The following CSMD1 variants were observed in gnomAD, a reference collection of about 807,000 sequenced individuals.
CSMD1 encodes CUB and sushi domain-containing protein 1.
A neutral mutation model predicts 417.5 loss-of-function variants in CSMD1; 213 were observed. The ratio of observed to expected loss-of-function variants is 0.51; its 90% CI spans 0.46 to 0.57. The LOEUF is 0.57. Ranked by LOEUF, CSMD1 falls within the 20% of genes least tolerant of loss-of-function variation. The pLI, the probability that CSMD1 is intolerant of heterozygous loss-of-function variation, is 0.00. For synonymous variants in CSMD1, 2,862 were observed against 1,736.8 expected (o/e 1.65, Z -16.11); for missense variants, 6,923 against 4,529.7 (o/e 1.53, Z -15.17).
intron 10 of CSMD1, among the ~76,000 whole-genome samples, chr8:3,502,007 C>T (rs533877369): frequency 6.6e-6 from 1 of 152,184 alleles, no homozygotes; most frequent in African/African-American, 2.4e-5. Flanking sequence ...TTGGAAGATA[C>T]TTTGGAAGCT....
At chr8:2,956,765 A>G (rs529266464) in intron 63 of CSMD1, among the ~76,000 whole-genome samples, 7 of 152,262 alleles carry the variant, frequency 4.6e-5, no homozygotes, top group African/African-American at 1.4e-4. Flanking sequence ...CAAGTTTACA[A>G]TTCTAAAATT....
intron 3 of CSMD1, among the ~76,000 whole-genome samples, chr8:4,288,247 T>G (rs1024565001): frequency 2.0e-5 from 3 of 152,178 alleles, no homozygotes; most frequent in Non-Finnish European, 4.4e-5. Context: ...GGTGCCTTCA[T>G]GAGTTTCTGA....
At chr8:4,977,152 T>C (rs1284547992) in intron 1 of CSMD1, among the ~76,000 whole-genome samples, 1 of 152,226 alleles carries the variant, frequency 6.6e-6, no homozygotes, top group Non-Finnish European at 1.5e-5. Context: ...GTAATGATCA[T>C]TTGTTTTGAA....
intron 7 of CSMD1, among the ~76,000 whole-genome samples, chr8:3,627,745 T>C (rs1180043342): frequency 6.6e-6 from 1 of 152,202 alleles, no homozygotes; most frequent in Non-Finnish European, 1.5e-5. Context: ...AGGGAATTAT[T>C]ACTTTGCTGA....
intron 8 of CSMD1, among the ~76,000 whole-genome samples, chr8:3,610,288 T>G (rs1004025523): frequency 2.0e-5 from 3 of 152,134 alleles, no homozygotes; most frequent in African/African-American, 7.2e-5. Context: ...ATTCCAGCAA[T>G]TTTGAATGTC....
chr8:3,529,706 C>T (rs1002289281), intron 10 of CSMD1, among the ~76,000 whole-genome samples: 2 of 152,148 alleles, frequency 1.3e-5, no homozygotes, highest in Non-Finnish European at 2.9e-5. Flanking sequence ...ACAAATACAT[C>T]TTGGGAGATA....
chr8:3,722,202 G>A (rs7008044), intron 6 of CSMD1, among the ~76,000 whole-genome samples: 105,126 of 151,782 alleles, frequency 0.69, 36,877 homozygotes, highest in South Asian at 0.83. Flanking sequence ...CCACCTACTC[G>A]GGAGGCTGAG....
At chr8:4,983,920 G>A (rs769868913) in intron 1 of CSMD1, among the ~76,000 whole-genome samples, 15 of 152,082 alleles carry the variant, frequency 9.9e-5, no homozygotes, top group Non-Finnish European at 1.9e-4. Flanking sequence ...TCGATGAGGT[G>A]GAATAGAAAA....
intron 5 of CSMD1, among the ~76,000 whole-genome samples, chr8:3,912,472 C>T (rs186232699): frequency 6.6e-6 from 1 of 152,080 alleles, no homozygotes; most frequent in African/African-American, 2.4e-5. Context: ...AGAGAGGCTG[C>T]GTGCTCCTAG....
At chr8:4,425,328 G>C (rs1317353006) in intron 2 of CSMD1, among the ~76,000 whole-genome samples, 2 of 149,288 alleles carry the variant, frequency 1.3e-5, no homozygotes, top group Non-Finnish European at 3.0e-5. Flanking sequence ...ATATGCATGT[G>C]ATCTGATTTC....
chr8:4,317,714 G>C (rs1799016153), intron 3 of CSMD1, among the ~76,000 whole-genome samples: 1 of 152,144 alleles, frequency 6.6e-6, no homozygotes, highest in African/African-American at 2.4e-5. Flanking sequence ...TAAAAGAGAA[G>C]CGATAGCTCA....
chr8:4,806,255 G>C (rs1160675156), intron 1 of CSMD1, among the ~76,000 whole-genome samples: 1 of 152,184 alleles, frequency 6.6e-6, no homozygotes, highest in Admixed American at 6.5e-5. Flanking sequence ...ATCATGCAGT[G>C]TGCACATGCT....
intron 3 of CSMD1, among the ~76,000 whole-genome samples, chr8:4,047,144 G>C (rs1164875759): frequency 2.0e-5 from 3 of 152,144 alleles, no homozygotes; most frequent in Non-Finnish European, 4.4e-5. Context: ...AGAGCAGCCT[G>C]CAACGGTTCC....
At chr8:4,243,249 C>T (rs1379239416) in intron 3 of CSMD1, among the ~76,000 whole-genome samples, 5 of 152,120 alleles carry the variant, frequency 3.3e-5, no homozygotes, top group Non-Finnish European at 7.4e-5. Flanking sequence ...AGATCACCAG[C>T]TCAGGTATTT....
intron 3 of CSMD1, among the ~76,000 whole-genome samples, chr8:4,366,129 G>A (rs1163213461): frequency 6.6e-6 from 1 of 152,086 alleles, no homozygotes; most frequent in Non-Finnish European, 1.5e-5. Context: ...CCTACTTTGT[G>A]TCACTGTCTT....
intron 5 of CSMD1, among the ~76,000 whole-genome samples, chr8:3,790,862 T>A (rs904671233): frequency 6.6e-6 from 1 of 152,172 alleles, no homozygotes; most frequent in African/African-American, 2.4e-5. Context: ...CCCAGGCAGC[T>A]ACTTTTTGAG....
intron 5 of CSMD1, among the ~76,000 whole-genome samples, chr8:3,819,138 C>G (rs946540716): frequency 1.3e-5 from 2 of 152,130 alleles, no homozygotes; most frequent in African/African-American, 4.8e-5. Flanking sequence ...GCTGGTCTAG[C>G]AGGCGGAAAG....
At chr8:4,812,659 T>C (rs1019600986) in intron 1 of CSMD1, among the ~76,000 whole-genome samples, 41 of 152,292 alleles carry the variant, frequency 2.7e-4, no homozygotes, top group African/African-American at 9.6e-4. Context: ...ATTCTTATTC[T>C]CTATAATTTA....
At chr8:4,979,378 A>C (rs1463375456) in intron 1 of CSMD1, among the ~76,000 whole-genome samples, 2 of 152,202 alleles carry the variant, frequency 1.3e-5, no homozygotes, top group Non-Finnish European at 2.9e-5. Context: ...AAGTGTCAAG[A>C]AGTTTAACAT....
Sources: allele counts gnomAD v4.1 joint callset (sites outside exome capture counted in the v4.1 genomes callset), GRCh38; gene constraint gnomAD v4.1.1; transcripts MANE v1.5; gene names NCBI Gene and HGNC (gene_info 2026-07-23, HGNC 2026-07-21).